Variants in LYPLAL1 observed in about 807,000 individuals in gnomAD.
LYPLAL1 encodes lysophospholipase-like protein 1.
LYPLAL1 carries 23 observed loss-of-function variants against 19.7 expected under a neutral mutation model. That is an observed-to-expected ratio of 1.17 (90% confidence interval 0.84 to 1.65). The LOEUF (loss-of-function observed/expected upper bound fraction) is 1.65, where lower values mean the gene tolerates loss of function less well. Ranked by LOEUF, LYPLAL1 falls within the 40% of genes most tolerant of loss-of-function variation. LYPLAL1 has a pLI of 0.00. For synonymous variants in LYPLAL1, 119 were observed against 96.3 expected (o/e 1.24, Z -1.38); for missense variants, 355 against 279.4 (o/e 1.27, Z -1.93).
chr1:219,389,508 T>G, the LYPLAL1 span, among the ~76,000 whole-genome samples: 1 of 152,228 alleles, frequency 6.6e-6, no homozygotes, highest in South Asian at 2.1e-4. Context: ...ATTGCCTTTA[T>G]AAATGTAAAT....
chr1:219,283,986 C>T, the LYPLAL1 span, among the ~76,000 whole-genome samples: 4 of 152,132 alleles, frequency 2.6e-5, no homozygotes, highest in African/African-American at 9.7e-5. Flanking sequence ...AATTGTAATT[C>T]CCACGTATGG....
the LYPLAL1 span, among the ~76,000 whole-genome samples, chr1:219,414,486 C>T: frequency 4.6e-5 from 7 of 152,174 alleles, no homozygotes; most frequent in South Asian, 1.5e-3. Context: ...ACATTCTGAG[C>T]CTTAGTTTAG....
chr1:219,415,427 T>C, the LYPLAL1 span, among the ~76,000 whole-genome samples: 31 of 152,322 alleles, frequency 2.0e-4, no homozygotes, highest in Non-Finnish European at 4.4e-4. Context: ...GGCAAGTGTA[T>C]AAAATTATTC....
At chr1:219,351,799 C>T in the LYPLAL1 span, among the ~76,000 whole-genome samples, 1 of 152,130 alleles carries the variant, frequency 6.6e-6, no homozygotes, top group African/African-American at 2.4e-5. Context: ...AATGAATAAA[C>T]CATAGACACT....
chr1:219,241,796 CAG>C, the LYPLAL1 span, among the ~76,000 whole-genome samples: 2 of 152,136 alleles, frequency 1.3e-5, no homozygotes, highest in South Asian at 4.1e-4. Flanking sequence ...TTTTCAGAAA[CAG>C]AGTTTGGAGA....
At chr1:219,189,314 G>A (rs540192948) in intron 2 of LYPLAL1, among the ~76,000 whole-genome samples, 1 of 151,782 alleles carries the variant, frequency 6.6e-6, no homozygotes, top group East Asian at 1.9e-4. Context: ...AGGCTCATTT[G>A]AATTTTAAAG....
chr1:219,270,611 G>A, the LYPLAL1 span, among the ~76,000 whole-genome samples: 1 of 152,198 alleles, frequency 6.6e-6, no homozygotes, highest in African/African-American at 2.4e-5. Context: ...GAAAAAGGAA[G>A]ATGGAGTCGC....
chr1:219,196,988 A>G (rs1305432092), intron 3 of LYPLAL1, among the ~76,000 whole-genome samples: 1 of 152,222 alleles, frequency 6.6e-6, no homozygotes. Context: ...AAGAGAGGAC[A>G]TAAACAAATG....
At chr1:219,242,503 G>T in the LYPLAL1 span, among the ~76,000 whole-genome samples, 3 of 152,104 alleles carry the variant, frequency 2.0e-5, no homozygotes, top group Admixed American at 6.6e-5. Flanking sequence ...CCTTTACAAT[G>T]CCTGCCTTGC....
At chr1:219,378,102 A>C in the LYPLAL1 span, among the ~76,000 whole-genome samples, 1 of 152,212 alleles carries the variant, frequency 6.6e-6, no homozygotes, top group African/African-American at 2.4e-5. Context: ...TGCTTCATGC[A>C]AAAAGGGTCC....
At chr1:219,241,122 CTCTCTCTCTCTCTA>C in the LYPLAL1 span, among the ~76,000 whole-genome samples, 5 of 94,988 alleles carry the variant, frequency 5.3e-5, no homozygotes, top group South Asian at 7.2e-4. Context: ...CTCTCTCTCT[CTCTCTCTCTCTCTA>C]TATATATATA....
chr1:219,367,945 A>AAT, the LYPLAL1 span, among the ~76,000 whole-genome samples: 9,866 of 144,504 alleles, frequency 0.068, 451 homozygotes, highest in South Asian at 0.12. Flanking sequence ...TGGCTTTACA[A>AAT]TTTTTTTTTT....
chr1:219,257,169 T>A, the LYPLAL1 span, among the ~76,000 whole-genome samples: 1 of 151,998 alleles, frequency 6.6e-6, no homozygotes, highest in African/African-American at 2.4e-5. Flanking sequence ...CTATGATTGT[T>A]AATTTGTCTA....
At chr1:219,342,683 G>T in the LYPLAL1 span, among the ~76,000 whole-genome samples, 3 of 152,070 alleles carry the variant, frequency 2.0e-5, no homozygotes, top group African/African-American at 7.2e-5. Context: ...TGAAGTTAAG[G>T]CTGCATAAAG....
At chr1:219,271,985 G>C in the LYPLAL1 span, 3 of 152,248 alleles carry the variant, frequency 2.0e-5, no homozygotes, top group Non-Finnish European at 4.4e-5. Flanking sequence ...CCCACACCCA[G>C]CAGCAAATGA....
the LYPLAL1 span, chr1:219,222,395 T>A: frequency 6.6e-6 from 1 of 152,156 alleles, no homozygotes; most frequent in Non-Finnish European, 1.5e-5. Context: ...CATTTTTTGT[T>A]TCCCATGGGA....
At chr1:219,322,213 C>T in the LYPLAL1 span, among the ~76,000 whole-genome samples, 1 of 152,152 alleles carries the variant, frequency 6.6e-6, no homozygotes, top group Non-Finnish European at 1.5e-5. Context: ...TCAGAGCTTA[C>T]ACAACCTGCC....
the LYPLAL1 span, among the ~76,000 whole-genome samples, chr1:219,399,868 G>T: frequency 1.3e-5 from 2 of 152,136 alleles, no homozygotes; most frequent in South Asian, 2.1e-4. Context: ...AAGCCCAGGG[G>T]TTTGGCCATC....
At chr1:219,205,373 A>C (rs1558242050) in intron 3 of LYPLAL1, among the ~76,000 whole-genome samples, 1 of 151,360 alleles carries the variant, frequency 6.6e-6, no homozygotes, top group Non-Finnish European at 1.5e-5. Flanking sequence ...CAAAAAAAAA[A>C]AAAAACAAAA....
Sources: allele counts gnomAD v4.1 joint callset (sites outside exome capture counted in the v4.1 genomes callset), GRCh38; gene constraint gnomAD v4.1.1; transcripts MANE v1.5; gene names NCBI Gene and HGNC (gene_info 2026-07-23, HGNC 2026-07-21).